Variants in ANKRD27 observed in about 807,000 individuals in gnomAD.
ANKRD27 encodes ankyrin repeat domain 27, also known as ankyrin repeat domain-containing protein 27.
ANKRD27 carries 112 observed loss-of-function variants against 129.7 expected under a neutral mutation model. The observed-to-expected ratio is 0.86, with a 90% CI of 0.74 to 1.01. ANKRD27 has a LOEUF of 1.01. Among genes scored for constraint, ANKRD27 ranks in the 50% least tolerant of loss-of-function variants. The pLI, the probability that ANKRD27 is intolerant of heterozygous loss-of-function variation, is 0.00. For missense variants in ANKRD27, 1,258 were observed against 1,300.5 expected, an observed-to-expected ratio of 0.97 and a Z score of 0.50; for synonymous variants, 516 against 511.2, an observed-to-expected ratio of 1.01 and a Z score of -0.13.
chr19:32,610,913 C>T (rs1236383810), intron 22 of ANKRD27, among the ~76,000 whole-genome samples: 1 of 151,656 alleles, frequency 6.6e-6, no homozygotes, highest in Non-Finnish European at 1.5e-5. Flanking sequence ...CCAGGAGTCC[C>T]AAGCTGTAAG....
intron 9 of ANKRD27, among the ~76,000 whole-genome samples, chr19:32,642,609 G>A (rs1325670851): frequency 6.6e-6 from 1 of 152,090 alleles, no homozygotes; most frequent in Admixed American, 6.6e-5. Context: ...ATGGTAGTGT[G>A]CACCTGTAAT....
At position 32,649,549 on chromosome 19, in the gene ANKRD27, C is replaced by A. The variant is rs767990595; in HGVS notation, c.213+133G>T. On this transcript the variant is annotated intron_variant, in intron 3 of 28. Transcript: ENST00000306065. ...CAAAGGCAGGGTCCCTCCAGCCCCC[C>A]ACGGGGCTGCAGTGTGTGTCAAATG... 61 of 686,722 alleles carry A rather than the reference C, an allele frequency of 8.9e-5. 1 individual carries two copies. The highest frequency in any genetic ancestry group is 1.3e-4 in the Non-Finnish European group (52 of 387,206). The allele number at this position is 686,722 out of a possible 1,614,324, so 42.5% of individuals were successfully genotyped here. A position where few individuals can be genotyped will look rare whatever the true frequency, so the allele number is the denominator to read the frequency against.
At chr19:32,603,590 G>A (rs1971684976) in intron 25 of ANKRD27, among the ~76,000 whole-genome samples, 1 of 152,164 alleles carries the variant, frequency 6.6e-6, no homozygotes, top group Non-Finnish European at 1.5e-5. Context: ...CCAGGCTGGA[G>A]TGCAGTGGCA....
chr19:32,663,127 G>A (rs1190936149), intron 1 of ANKRD27, among the ~76,000 whole-genome samples: 1 of 152,142 alleles, frequency 6.6e-6, no homozygotes, highest in African/African-American at 2.4e-5. Context: ...TTATAAAAGG[G>A]CTTGCGGATT....
At chr19:32,617,761 T>G (rs1410285370) in intron 20 of ANKRD27, 128 bp from the exon 21 acceptor site, 71 of 457,754 alleles carry the variant, frequency 1.6e-4, no homozygotes, top group Non-Finnish European at 2.2e-4. Context: ...TAGTTTTTTT[T>G]TTTTTTTTTT....
intron 3 of ANKRD27, 49 bp from the exon 4 acceptor site, chr19:32,646,664 C>T: frequency 6.3e-7 from 1 of 1,589,978 alleles, no homozygotes; most frequent in Non-Finnish European, 8.6e-7. Context: ...GCAACCACAT[C>T]CCACTCTCAG....
chr19:32,604,011 GGC>G, intron 25 of ANKRD27, among the ~76,000 whole-genome samples: 1 of 152,198 alleles, frequency 6.6e-6, no homozygotes, highest in East Asian at 1.9e-4. Flanking sequence ...CTGAGGGGGG[GGC>G]CCCTCCACTC....
intron 4 of ANKRD27, among the ~76,000 whole-genome samples, chr19:32,645,665 C>T (rs1194117339): frequency 6.6e-6 from 1 of 151,692 alleles, no homozygotes; most frequent in Admixed American, 6.6e-5. Context: ...CGTAGTCTTA[C>T]TCTGTAGCCC....
At chr19:32,636,716 T>TCA (rs1461575825) in intron 12 of ANKRD27, among the ~76,000 whole-genome samples, 2 of 147,004 alleles carry the variant, frequency 1.4e-5, no homozygotes, top group Non-Finnish European at 3.0e-5. Flanking sequence ...CAGTTCTCTC[T>TCA]CTCTCTCTAT....
chr19:32,627,969 C>A, intron 15 of ANKRD27, 114 bp downstream of exon 15: 2 of 923,016 alleles, frequency 2.2e-6, no homozygotes, highest in Non-Finnish European at 3.4e-6. Context: ...ACCCACGATG[C>A]AGCCCCAACT....
chr19:32,621,282 G>A (rs1225523728), intron 18 of ANKRD27, among the ~76,000 whole-genome samples: 2 of 152,192 alleles, frequency 1.3e-5, no homozygotes, highest in Non-Finnish European at 2.9e-5. Flanking sequence ...AGGAATTTAA[G>A]ACAAGCCTGG....
intron 18 of ANKRD27, 124 bp downstream of exon 18, chr19:32,622,298 A>C: frequency 2.0e-6 from 2 of 997,682 alleles, no homozygotes; most frequent in Non-Finnish European, 3.1e-6. Flanking sequence ...TGCGGCAGAA[A>C]GGGTGCAAGC....
intron 2 of ANKRD27, among the ~76,000 whole-genome samples, chr19:32,653,831 C>T (rs1181427481): frequency 1.3e-5 from 2 of 152,198 alleles, no homozygotes. Context: ...GGAGATGAGG[C>T]GGCCCAGCAG....
At chr19:32,648,527 G>A (rs1390759138) in intron 3 of ANKRD27, among the ~76,000 whole-genome samples, 2 of 152,354 alleles carry the variant, frequency 1.3e-5, no homozygotes, top group East Asian at 1.9e-4. Context: ...CAGGCCAGGC[G>A]CGGTGGCGCA....
Position 32,604,250 on chromosome 19 carries a change from C to G in ANKRD27, c.2655+13G>C. The G allele has an allele frequency of 6.3e-7, 1 of 1,588,016 alleles. No individual in the cohort carries two copies. The highest frequency in any genetic ancestry group is 8.6e-7 in the Non-Finnish European group (1 of 1,160,632). On this transcript the variant is annotated intron_variant, in intron 25 of 28. Transcript: ENST00000306065. ...CTCAGGATTCCCTCGGCTCTTCGAC[C>G]CTCTCCACCTACCTGTTCAGCACAG...
Position 32,643,342 on chromosome 19 carries a change from T to C in ANKRD27, c.650A>G (p.His217Arg), listed in dbSNP as rs757021289. The C allele has an allele frequency of 1.2e-6, 2 of 1,613,996 alleles. No homozygotes were observed. The highest frequency in any genetic ancestry group is 1.7e-6 in the Non-Finnish European group (2 of 1,180,016). The change falls in exon 8 of 29, where the codon CAT becomes CGT. Residue 217 changes from histidine (H) to arginine (R), a missense_variant. Transcript: ENST00000306065. Reference sequence around the variant, plus strand: ...AAAGATCAGGTTGTAAATTTCATGATGGACGTATATCTGTGGAATCAACAG... The same window carrying C: ...AAAGATCAGGTTGTAAATTTCATGACGGACGTATATCTGTGGAATCAACAG... Reference protein sequence around the residue: ...LMKQAVEIYVHHEIYNLIFKY... With the variant: ...LMKQAVEIYVRHEIYNLIFKY...
intron 1 of ANKRD27, among the ~76,000 whole-genome samples, chr19:32,664,919 CAA>C (rs35300883): frequency 9.6e-4 from 92 of 95,888 alleles, no homozygotes; most frequent in African/African-American, 3.1e-3. Flanking sequence ...GACTCTGTCT[CAA>C]AAAAAAAAAA....
At chr19:32,611,398 G>C (rs912944037) in intron 22 of ANKRD27, among the ~76,000 whole-genome samples, 2 of 152,118 alleles carry the variant, frequency 1.3e-5, no homozygotes, top group African/African-American at 4.8e-5. Flanking sequence ...AGCAGCAGGG[G>C]GCCAGGTCAA....
chr19:32,600,489 C>T lies in ANKRD27; in HGVS notation c.2768-439G>A, dbSNP rs145994521. ...CCAGGAGGCAGAGGTTGCAGTGAGC[C>T]GAGATTGCACCACCACACTCCAGCC... is the stretch of plus-strand genomic sequence containing the variant. On this transcript the variant is annotated intron_variant, in intron 26 of 28. Coordinates refer to ENST00000306065, the MANE Select transcript of ANKRD27 (RefSeq NM_032139.3). Among the ~76,000 whole-genome samples the T allele has an allele frequency of 4.0e-4, 61 of 152,036 alleles. 3 individuals carry two copies. The highest frequency in any genetic ancestry group is 1.3e-3 in the African/African-American group (55 of 41,456).
Sources: gnomAD v4.1 joint callset for allele counts (sites outside exome capture counted in the v4.1 genomes callset) on GRCh38, gnomAD v4.1.1 for gene constraint, MANE v1.5 for transcripts, NCBI Gene and HGNC (gene_info 2026-07-23, HGNC 2026-07-21) for gene names.